FGD4: variants seen among roughly 807,000 people sequenced by gnomAD.
The protein encoded by FGD4 is FYVE, RhoGEF and PH domain-containing protein 4.
Under a neutral mutation model 102.0 loss-of-function variants are expected in FGD4, and 42 were observed. The observed-to-expected ratio is 0.41, with a 90% CI of 0.32 to 0.53. The LOEUF is 0.53. Ranked by LOEUF, FGD4 falls within the 20% of genes least tolerant of loss-of-function variation. The pLI is 0.21. For missense variants in FGD4, 902 were observed against 1,078.2 expected, an observed-to-expected ratio of 0.84 and a Z score of 2.29; for synonymous variants, 380 against 375.7, an observed-to-expected ratio of 1.01 and a Z score of -0.13.
chr12:32,515,564 G>T (rs1426869275), intron 1 of FGD4, among the ~76,000 whole-genome samples: 1 of 152,220 alleles, frequency 6.6e-6, no homozygotes. Context: ...CTTTTTAAAT[G>T]AAACCAAAAT....
intron 1 of FGD4, among the ~76,000 whole-genome samples, chr12:32,526,536 C>T (rs979984138): frequency 6.6e-6 from 1 of 152,158 alleles, no homozygotes; most frequent in Non-Finnish European, 1.5e-5. Flanking sequence ...AGCGCCCTGA[C>T]GAAACAGGCC....
At chr12:32,619,942 T>A in intron 11 of FGD4, 72 bp downstream of exon 11, 2 of 1,560,492 alleles carry the variant, frequency 1.3e-6, no homozygotes, top group Non-Finnish European at 1.8e-6. Flanking sequence ...ATAGAATGGC[T>A]CTGAGGGTTT....
chr12:32,447,507 A>T (rs1942652468), intron 1 of FGD4, among the ~76,000 whole-genome samples: 1 of 152,156 alleles, frequency 6.6e-6, no homozygotes, highest in Non-Finnish European at 1.5e-5. Flanking sequence ...TAAACATTAG[A>T]TTCCCGACTT....
intron 7 of FGD4, among the ~76,000 whole-genome samples, chr12:32,606,543 C>G (rs1364744371): frequency 1.3e-5 from 2 of 150,114 alleles, no homozygotes; most frequent in East Asian, 2.0e-4. Flanking sequence ...GGCCTGTTCT[C>G]TCAGGTTTCT....
At chr12:32,513,588 A>G (rs1194121946) in intron 1 of FGD4, among the ~76,000 whole-genome samples, 3 of 152,212 alleles carry the variant, frequency 2.0e-5, no homozygotes, top group African/African-American at 7.2e-5. Context: ...CAGGAGAAAG[A>G]TGATGAGTCC....
chr12:32,557,974 G>A (rs537988256), intron 1 of FGD4, among the ~76,000 whole-genome samples: 54 of 152,046 alleles, frequency 3.6e-4, no homozygotes, highest in Non-Finnish European at 6.9e-4. Context: ...CTCATCAGCC[G>A]ACCAGGGTTA....
At chr12:32,464,657 TTA>T (rs1442951464) in intron 1 of FGD4, among the ~76,000 whole-genome samples, 1 of 152,234 alleles carries the variant, frequency 6.6e-6, no homozygotes, top group African/African-American at 2.4e-5. Flanking sequence ...TTTATGCATT[TTA>T]TCTCAGAAAA....
chr12:32,486,042 T>C, intron 1 of FGD4: 1 of 1,490,064 alleles, frequency 6.7e-7, no homozygotes, highest in Non-Finnish European at 8.9e-7. Flanking sequence ...TGCCTATAGT[T>C]TCTACCAACA....
intron 1 of FGD4, among the ~76,000 whole-genome samples, chr12:32,406,894 A>T (rs1457580494): frequency 6.6e-6 from 1 of 151,562 alleles, no homozygotes; most frequent in African/African-American, 2.4e-5. Context: ...GCTCACTGCA[A>T]CCTCCGCCTC....
chr12:32,522,388 A>G (rs1256481664), intron 1 of FGD4, among the ~76,000 whole-genome samples: 1 of 152,228 alleles, frequency 6.6e-6, no homozygotes, highest in East Asian at 1.9e-4. Context: ...AAAAGGCCCA[A>G]GTTGCTGCTG....
At chr12:32,428,539 G>T (rs1204071568) in intron 1 of FGD4, among the ~76,000 whole-genome samples, 1 of 151,996 alleles carries the variant, frequency 6.6e-6, no homozygotes, top group African/African-American at 2.4e-5. Context: ...ATAATTATGT[G>T]TCTTGGGGTC....
intron 1 of FGD4, chr12:32,502,136 CTGT>C (rs1938264981): frequency 1.0e-6 from 1 of 985,350 alleles, no homozygotes; most frequent in South Asian, 4.7e-5. Context: ...AATCCACCAT[CTGT>C]TCACTCCCCA....
chr12:32,427,281 T>A (rs1197953555), intron 1 of FGD4, among the ~76,000 whole-genome samples: 1 of 152,214 alleles, frequency 6.6e-6, no homozygotes, highest in Non-Finnish European at 1.5e-5. Flanking sequence ...TTCTCATGGG[T>A]TTCAAAGAAC....
At chr12:32,545,790 A>C (rs1305255578) in intron 1 of FGD4, among the ~76,000 whole-genome samples, 1 of 152,190 alleles carries the variant, frequency 6.6e-6, no homozygotes, top group African/African-American at 2.4e-5. Context: ...ATATCTATGC[A>C]GCTCTTAACG....
At chr12:32,494,955 G>A (rs1236719401) in intron 1 of FGD4, among the ~76,000 whole-genome samples, 1 of 152,236 alleles carries the variant, frequency 6.6e-6, no homozygotes, top group Non-Finnish European at 1.5e-5. Flanking sequence ...TGACAGTAAT[G>A]TGAGTGGAGC....
intron 1 of FGD4, among the ~76,000 whole-genome samples, chr12:32,543,227 A>C (rs1942980100): frequency 6.6e-6 from 1 of 152,204 alleles, no homozygotes; most frequent in Non-Finnish European, 1.5e-5. Flanking sequence ...ATAAAGAGAG[A>C]TTAATACATA....
At position 32,640,525 on chromosome 12, in the gene FGD4, G is replaced by C. The variant is rs752612218; in HGVS notation, c.2704G>C (p.Glu902Gln). The change falls in exon 17 of 17, where the codon GAA becomes CAA. Residue 902 changes from glutamate (E) to glutamine (Q), a missense_variant. Physicochemically the swap from Glu to Gln is conservative, Grantham distance 29 (BLOSUM62 2). Coordinates refer to ENST00000534526, the MANE Select transcript of FGD4 (RefSeq NM_001370298.3). ...DDHPEPKKKS[E>Q]C The stretch of plus-strand genomic sequence containing the variant: ...TCATCCTGAACCTAAGAAAAAATCA[G>C]AATGCTGAACTCCTCCAGGACCAGC... 4 of 1,613,878 alleles carry C rather than the reference G, an allele frequency of 2.5e-6. No homozygotes were observed. The highest frequency in any genetic ancestry group is 8.5e-7 in the Non-Finnish European group (1 of 1,180,038).
At chr12:32,538,716 A>T (rs1419966586) in intron 1 of FGD4, among the ~76,000 whole-genome samples, 2 of 152,178 alleles carry the variant, frequency 1.3e-5, no homozygotes, top group African/African-American at 4.8e-5. Context: ...CTGGAGCGAT[A>T]CTGTCTGTGT....
chr12:32,404,481 GTAT>G (rs1001785505), intron 1 of FGD4, among the ~76,000 whole-genome samples: 1 of 151,914 alleles, frequency 6.6e-6, no homozygotes, highest in Non-Finnish European at 1.5e-5. Flanking sequence ...AAAATAGGTG[GTAT>G]TATTACAATT....
Sources: allele counts gnomAD v4.1 joint callset (sites outside exome capture counted in the v4.1 genomes callset), GRCh38; gene constraint gnomAD v4.1.1; transcripts MANE v1.5; gene names NCBI Gene and HGNC (gene_info 2026-07-23, HGNC 2026-07-21).